Variants in MSRB3 observed in about 807,000 individuals in gnomAD.
MSRB3 encodes methionine sulfoxide reductase B3.
In MSRB3, 13 loss-of-function variants were observed where a neutral mutation model predicts 21.0. The ratio of observed to expected loss-of-function variants is 0.62; its 90% CI spans 0.40 to 0.98. MSRB3 has a LOEUF of 0.98. Among genes scored for constraint, MSRB3 ranks in the 50% least tolerant of loss-of-function variants. The pLI is 0.00. For synonymous variants in MSRB3, 87 were observed against 88.6 expected (o/e 0.98, Z 0.10); for missense variants, 199 against 230.3 (o/e 0.86, Z 0.88).
At chr12:65,379,702 G>A (rs1878835077) in intron 5 of MSRB3, among the ~76,000 whole-genome samples, 2 of 152,166 alleles carry the variant, frequency 1.3e-5, no homozygotes, top group Non-Finnish European at 2.9e-5. Context: ...GTTATCAATA[G>A]TTATAGCTGA....
At chr12:65,326,646 C>T (rs897096707) in intron 2 of MSRB3, among the ~76,000 whole-genome samples, 180 bp from the exon 3 acceptor site, 1 of 152,074 alleles carries the variant, frequency 6.6e-6, no homozygotes, top group Admixed American at 6.5e-5. Flanking sequence ...TCTTAAGAAA[C>T]ATTCATTTTA....
intron 6 of MSRB3, 99 bp downstream of exon 6, chr12:65,453,924 C>A: frequency 1.0e-6 from 1 of 966,652 alleles, no homozygotes; most frequent in Non-Finnish European, 1.7e-6. Context: ...ACAAGAAGGA[C>A]AGACAAGCAT....
At chr12:65,365,244 G>A (rs921801330) in intron 4 of MSRB3, among the ~76,000 whole-genome samples, 10 of 152,104 alleles carry the variant, frequency 6.6e-5, no homozygotes, top group African/African-American at 1.4e-4. Context: ...GGGAGCATGA[G>A]GATGCATGAG....
intron 5 of MSRB3, among the ~76,000 whole-genome samples, chr12:65,423,944 G>A (rs138473833): frequency 6.6e-6 from 1 of 152,266 alleles, no homozygotes; most frequent in African/African-American, 2.4e-5. Context: ...GTAGAATTCA[G>A]TAGTGAAGCA....
At chr12:65,423,743 A>G (rs1881441221) in intron 5 of MSRB3, among the ~76,000 whole-genome samples, 9 of 152,114 alleles carry the variant, frequency 5.9e-5, no homozygotes, top group Admixed American at 5.9e-4. Context: ...GTTTTCTAAT[A>G]TTTTGTTTAG....
rs1244290254 is a variant in MSRB3, at chr12:65,466,729, T to C, written c.*3407T>C. On this transcript the variant is annotated 3_prime_UTR_variant, in exon 7 of 7. Coordinates refer to ENST00000308259, the MANE Select transcript of MSRB3 (RefSeq NM_001031679.3). ...CTTGCTTTAAATACAAAACAAATGG[T>C]AAAGGGGATTATCTTTTGTTTAGAT... 6.6e-6 allele frequency: 1 copy of C among 152,222 alleles called. No homozygotes were observed. Among genetic ancestry groups the C allele is most frequent in the Non-Finnish European group, 1.5e-5 (1 of 68,032 alleles). 9.4% of individuals were successfully genotyped at this position (152,222 alleles called of 1,614,324 possible).
rs1393776828 is a variant in MSRB3 at position 65,352,539 on chromosome 12, C to T, written c.264-16459C>T. 1.9e-3 allele frequency among the ~76,000 whole-genome samples: 283 copies of T among 151,638 alleles called. 1 individual carries two copies. The highest frequency in any genetic ancestry group is 6.4e-3 in the African/African-American group (264 of 41,204). The stretch of plus-strand genomic sequence containing the variant: ...AAGTCAAATTGTCCCTGTTTGCAGA[C>T]GACATGATTGTATATCTAGAAAACC... On this transcript the variant is annotated intron_variant, in intron 4 of 6. Coordinates refer to ENST00000308259, the MANE Select transcript of MSRB3 (RefSeq NM_001031679.3).
At chr12:65,294,629 T>TA (rs1232774434) in intron 1 of MSRB3, among the ~76,000 whole-genome samples, 3 of 152,290 alleles carry the variant, frequency 2.0e-5, no homozygotes, top group Middle Eastern at 3.4e-3. Flanking sequence ...CTCTTTGCTT[T>TA]AAAAAAATCC....
chr12:65,453,571 T>G (rs1173944826), intron 5 of MSRB3, among the ~76,000 whole-genome samples, 157 bp from the exon 6 acceptor site: 1 of 152,212 alleles, frequency 6.6e-6, no homozygotes, highest in Non-Finnish European at 1.5e-5. Context: ...GCAAAATATA[T>G]TTTCCTTCAG....
rs936533011 is a variant in MSRB3 at position 65,278,745 on chromosome 12, C to T, written c.-172C>T. 3 of 1,569,640 alleles carry T rather than the reference C, an allele frequency of 1.9e-6. No individual in the cohort carries two copies. Among genetic ancestry groups the T allele is most frequent in the African/African-American group, 1.4e-5 (1 of 73,912 alleles). ...GAGGGAGGGAGCGAGGTTCGGACAC[C>T]GGCGGCGGCTGCCTGGCCTTTCCAT... On this transcript the variant is annotated 5_prime_UTR_variant, in exon 1 of 7. Coordinates refer to ENST00000308259, the MANE Select transcript of MSRB3 (RefSeq NM_001031679.3).
intron 1 of MSRB3, chr12:65,286,042 T>C (rs1872324172): frequency 6.6e-6 from 1 of 152,238 alleles, no homozygotes; most frequent in African/African-American, 2.4e-5. Context: ...TTTTAGTATC[T>C]GTTGACTGAG....
chr12:65,278,700 G>A lies in MSRB3; in HGVS notation c.-217G>A, dbSNP rs747477187. On this transcript the variant is annotated 5_prime_UTR_variant, in exon 1 of 7. Transcript: ENST00000308259. ...TTCCCGTCATGCCTCCCGCCGCCCCGTCCGTCGCCCGGAGCCGGGGAGGGA... is the reference window on the plus strand; with the variant it reads ...TTCCCGTCATGCCTCCCGCCGCCCCATCCGTCGCCCGGAGCCGGGGAGGGA... 4.3e-6 allele frequency: 6 copies of A among 1,383,920 alleles called. No individual in the cohort carries two copies. Among genetic ancestry groups the A allele is most frequent in the East Asian group, 2.5e-5 (1 of 40,806 alleles). The allele number at this position is 1,383,920 out of a possible 1,614,324, so 85.7% of individuals were successfully genotyped here. A position where few individuals can be genotyped will look rare whatever the true frequency, so the allele number is the denominator to read the frequency against.
chr12:65,447,545 A>G (rs752026870), intron 5 of MSRB3, among the ~76,000 whole-genome samples: 4 of 152,088 alleles, frequency 2.6e-5, no homozygotes, highest in Non-Finnish European at 5.9e-5. Flanking sequence ...CCTACAATGC[A>G]ATGTCATTTA....
intron 5 of MSRB3, among the ~76,000 whole-genome samples, chr12:65,446,245 A>AGTAG (rs1296316900): frequency 6.6e-6 from 1 of 152,242 alleles, no homozygotes; most frequent in Non-Finnish European, 1.5e-5. Context: ...TTTCCACTTA[A>AGTAG]GTAGGCAATG....
intron 5 of MSRB3, among the ~76,000 whole-genome samples, chr12:65,432,596 A>C (rs1245328276): frequency 6.6e-6 from 1 of 151,790 alleles, no homozygotes; most frequent in South Asian, 2.1e-4. Flanking sequence ...AGGAACAAAG[A>C]TATCTGGCAT....
At chr12:65,319,800 A>G (rs992336118) in intron 2 of MSRB3, among the ~76,000 whole-genome samples, 1 of 152,212 alleles carries the variant, frequency 6.6e-6, no homozygotes, top group African/African-American at 2.4e-5. Context: ...GAATAATTGC[A>G]TAATACTGTA....
chr12:65,292,710 A>G (rs1263186523), intron 1 of MSRB3, among the ~76,000 whole-genome samples: 1 of 152,106 alleles, frequency 6.6e-6, no homozygotes, highest in Non-Finnish European at 1.5e-5. Context: ...GAGCAGAAAG[A>G]GGAAAAGATG....
At chr12:65,355,400 C>G (rs968338998) in intron 4 of MSRB3, among the ~76,000 whole-genome samples, 1 of 151,814 alleles carries the variant, frequency 6.6e-6, no homozygotes, top group Non-Finnish European at 1.5e-5. Flanking sequence ...AAGGTCAAAC[C>G]AGATAACTAA....
At chr12:65,278,894 C>G in intron 1 of MSRB3, 29 bp downstream of exon 1, 1 of 1,548,246 alleles carries the variant, frequency 6.5e-7, no homozygotes, top group Non-Finnish European at 8.7e-7. Flanking sequence ...CCCCTCTCCT[C>G]CTCGCCTCAC....
Sources: allele counts gnomAD v4.1 joint callset (sites outside exome capture counted in the v4.1 genomes callset), GRCh38; gene constraint gnomAD v4.1.1; transcripts MANE v1.5; gene names NCBI Gene and HGNC (gene_info 2026-07-23, HGNC 2026-07-21).